The following TMEM132B variants were observed in gnomAD, a reference collection of about 807,000 sequenced individuals.
The protein encoded by TMEM132B is transmembrane protein 132B.
A neutral mutation model predicts 90.8 loss-of-function variants in TMEM132B; 18 were observed. That is an observed-to-expected ratio of 0.20 (90% CI 0.14 to 0.29). The LOEUF is 0.29. Among genes scored for constraint, TMEM132B ranks in the 10% least tolerant of loss-of-function variants. The pLI is 1.00. For missense variants in TMEM132B, 1,096 were observed against 1,326.8 expected, an observed-to-expected ratio of 0.83 and a Z score of 2.70; for synonymous variants, 504 against 523.3, an observed-to-expected ratio of 0.96 and a Z score of 0.50.
intron 1 of TMEM132B, among the ~76,000 whole-genome samples, chr12:125,307,511 T>A (rs1876004560): frequency 6.6e-6 from 1 of 152,082 alleles, no homozygotes; most frequent in Admixed American, 6.6e-5. Flanking sequence ...AATGAATGAA[T>A]GCATGGAAAG....
intron 1 of TMEM132B, among the ~76,000 whole-genome samples, chr12:125,216,868 G>C (rs1051007568): frequency 5.3e-5 from 8 of 152,282 alleles, no homozygotes; most frequent in Non-Finnish European, 1.2e-4. Flanking sequence ...CGGAGGCATC[G>C]AGCAGCTCCT....
In TMEM132B at chr12:125,656,609, A is replaced by T. The variant is rs536929844; in HGVS notation, c.*1899A>T. The T allele has an allele frequency of 9.8e-5, 15 of 152,336 alleles. No homozygotes were observed. Among genetic ancestry groups the T allele is most frequent in the African/African-American group, 3.4e-4 (14 of 41,568 alleles). The allele number at this position is 152,336 out of a possible 1,614,324, so 9.4% of individuals were successfully genotyped here. A position where few individuals can be genotyped will look rare whatever the true frequency, so the allele number is the denominator to read the frequency against. ...TCCAAAAGTAGTTCAGTTTGATGGGATAAGGAAGCAAGGAGAGCCAGGCAT... is the reference window on the plus strand; with the variant it reads ...TCCAAAAGTAGTTCAGTTTGATGGGTTAAGGAAGCAAGGAGAGCCAGGCAT... On this transcript the variant is annotated 3_prime_UTR_variant, in exon 9 of 9. Transcript: ENST00000682704.
chr12:125,614,450 CT>C lies in TMEM132B; in HGVS notation c.1438-29619del, dbSNP rs548792979. Among the ~76,000 whole-genome samples the C allele has an allele frequency of 2.6e-5, 4 of 152,170 alleles. No individual in the cohort carries two copies. In the East Asian group the frequency reaches 7.7e-4, roughly 29 times the overall value. On this transcript the variant is annotated intron_variant, in intron 5 of 8. Coordinates refer to ENST00000682704, the MANE Select transcript of TMEM132B (RefSeq NM_001366854.1). ...TTGCTGCAAAGGACATGATTTCATT[CT>C]TTTTTTATGGCTGCATAGTACTCCA...
intron 2 of TMEM132B, among the ~76,000 whole-genome samples, chr12:125,398,692 T>C (rs534426156): frequency 3.9e-5 from 6 of 152,344 alleles, no homozygotes; most frequent in African/African-American, 1.4e-4. Context: ...TGCTTACATA[T>C]TGGCTATCAA....
chr12:125,217,337 T>A (rs1873460389), intron 1 of TMEM132B, among the ~76,000 whole-genome samples: 1 of 152,164 alleles, frequency 6.6e-6, no homozygotes, highest in South Asian at 2.1e-4. Context: ...CAGTTTCCCA[T>A]CTTATATATT....
chr12:125,483,467 T>C (rs1882113387), intron 3 of TMEM132B, among the ~76,000 whole-genome samples: 1 of 152,116 alleles, frequency 6.6e-6, no homozygotes, highest in South Asian at 2.1e-4. Context: ...AAATAAGGTG[T>C]AGATAAAAGC....
rs577272600 is a variant in TMEM132B, at chr12:125,272,038, TCAGA to T, written c.68-77409_68-77406del. Among the ~76,000 whole-genome samples the T allele has an allele frequency of 5.5e-4, 84 of 152,332 alleles. No individual in the cohort carries two copies. In the South Asian group the frequency reaches 0.016, roughly 29 times the overall value. Reference sequence around the variant, plus strand: ...AGATACCGCGGCTTGCCAAAGGCTCTCAGACAGAGACCTGCTGTCTCCCGTCTAA... The same window carrying T: ...AGATACCGCGGCTTGCCAAAGGCTCTCAGAGACCTGCTGTCTCCCGTCTAA... On this transcript the variant is annotated intron_variant, in intron 1 of 8. Coordinates refer to ENST00000682704, the MANE Select transcript of TMEM132B (RefSeq NM_001366854.1).
intron 1 of TMEM132B, among the ~76,000 whole-genome samples, chr12:125,210,328 G>T (rs1275534118): frequency 6.6e-6 from 1 of 152,144 alleles, no homozygotes; most frequent in Non-Finnish European, 1.5e-5. Flanking sequence ...GAAGCCATCA[G>T]GTGTGTTAGA....
Position 125,186,431 on chromosome 12 carries a change from AGGCGGC to A in TMEM132B, c.-352_-347del, listed in dbSNP as rs546589513. Among the ~76,000 whole-genome samples the A allele has an allele frequency of 6.9e-5, 10 of 144,524 alleles. No homozygotes were observed. Among genetic ancestry groups the A allele is most frequent in the Middle Eastern group, 3.5e-3 (1 of 286 alleles). The allele number at this position is 144,524 out of a possible 152,430, so 94.8% of individuals were successfully genotyped here. A position where few individuals can be genotyped will look rare whatever the true frequency, so the allele number is the denominator to read the frequency against. ...GGCGGCCGGCAGATGGCGATGGCAG[AGGCGGC>A]GGCGGCGGCGGCGGCGCGACCGGGA... On this transcript the variant is annotated 5_prime_UTR_variant, in exon 1 of 9. Coordinates refer to ENST00000682704, the MANE Select transcript of TMEM132B (RefSeq NM_001366854.1). This position sits in a 1 kb window ranked among gnomAD's most constrained non-coding sequence, Gnocchi z 6.3.
At chr12:125,623,213 G>T (rs1381833629) in intron 5 of TMEM132B, among the ~76,000 whole-genome samples, 1 of 152,098 alleles carries the variant, frequency 6.6e-6, no homozygotes, top group East Asian at 1.9e-4. Context: ...TACAAATGTT[G>T]GTGGTGCTTT....
At chr12:125,201,225 G>A (rs1873050429) in intron 1 of TMEM132B, among the ~76,000 whole-genome samples, 2 of 152,088 alleles carry the variant, frequency 1.3e-5, no homozygotes, top group African/African-American at 4.8e-5. Context: ...TGTTTGCACT[G>A]GCATCATTTA....
intron 3 of TMEM132B, among the ~76,000 whole-genome samples, chr12:125,421,541 A>T (rs1439796400): frequency 2.0e-5 from 3 of 152,230 alleles, no homozygotes; most frequent in Non-Finnish European, 4.4e-5. Flanking sequence ...TCCCTCTCAC[A>T]ACACATGGGA....
intron 1 of TMEM132B, among the ~76,000 whole-genome samples, chr12:125,266,401 C>T (rs1014765715): frequency 8.5e-5 from 13 of 152,214 alleles, no homozygotes; most frequent in African/African-American, 2.7e-4. Flanking sequence ...CCCATTCTAT[C>T]GCCAGTGGGC....
chr12:125,468,476 G>A (rs1881627933), intron 3 of TMEM132B, among the ~76,000 whole-genome samples: 1 of 152,186 alleles, frequency 6.6e-6, no homozygotes, highest in South Asian at 2.1e-4. Context: ...CATGGAGGTG[G>A]GGAAGCCCAA....
At chr12:125,628,701 T>A (rs1226351862) in intron 5 of TMEM132B, among the ~76,000 whole-genome samples, 3 of 152,150 alleles carry the variant, frequency 2.0e-5, no homozygotes, top group Non-Finnish European at 4.4e-5. Context: ...GCTTGTAGGA[T>A]AATATTCAAG....
chr12:125,653,289 AG>A (rs898496033), intron 8 of TMEM132B, among the ~76,000 whole-genome samples: 10 of 152,364 alleles, frequency 6.6e-5, no homozygotes, highest in Admixed American at 4.6e-4. Flanking sequence ...GTTTTTAAAA[AG>A]GTCAAAGTCA....
chr12:125,311,801 T>G (rs1876132102), intron 1 of TMEM132B, among the ~76,000 whole-genome samples: 1 of 152,160 alleles, frequency 6.6e-6, no homozygotes, highest in Non-Finnish European at 1.5e-5. Flanking sequence ...GGTCCATCTT[T>G]TTTCAGTAGC....
Position 125,349,991 on chromosome 12 carries a change from C to T in TMEM132B, c.607C>T (p.Leu203=). The change falls in exon 2 of 9, where the codon CTG becomes TTG. Residue 203 remains leucine (L), a synonymous_variant. Coordinates refer to ENST00000682704, the MANE Select transcript of TMEM132B (RefSeq NM_001366854.1). This position sits in a 1 kb window ranked among gnomAD's most constrained non-coding sequence, Gnocchi z 4.1. ...ELLPEWFSSG[L]DLEPEEEIPA... ...GCTGCCCGAGTGGTTCAGCTCAGGC[C>T]TGGACCTGGAACCAGAGGAGGAGAT... 6.2e-7 allele frequency: 1 copy of T among 1,614,160 alleles called. No homozygotes were observed. Among genetic ancestry groups the T allele is most frequent in the Non-Finnish European group, 8.5e-7 (1 of 1,180,034 alleles).
chr12:125,518,254 A>G (rs578108028), intron 3 of TMEM132B, among the ~76,000 whole-genome samples: 1 of 152,324 alleles, frequency 6.6e-6, no homozygotes, highest in South Asian at 2.1e-4. Flanking sequence ...GCTCCAGTGC[A>G]GGGGAGCTGT....
Sources: gnomAD v4.1 joint callset for allele counts (sites outside exome capture counted in the v4.1 genomes callset) on GRCh38, gnomAD v4.1.1 for gene constraint, Gnocchi (gnomAD v3.1) non-coding constraint, MANE v1.5 for transcripts, NCBI Gene and HGNC (gene_info 2026-07-23, HGNC 2026-07-21) for gene names.